Variants in RFX8 observed in about 807,000 individuals in gnomAD.
RFX8 encodes the protein DNA-binding protein RFX8.
RFX8 carries 46 observed loss-of-function variants against 54.6 expected under a neutral mutation model. The observed-to-expected ratio is 0.84, with a 90% CI of 0.67 to 1.08. RFX8 has a LOEUF of 1.08. RFX8 is among the 50% of genes least tolerant of loss of function. The probability of loss-of-function intolerance (pLI) is 0.00; values close to 1 mark genes in which losing one functional copy is unlikely to be tolerated. For missense variants in RFX8, 536 were observed against 562.3 expected (o/e 0.95, Z 0.47); for synonymous variants, 192 against 209.5 (o/e 0.92, Z 0.72).
chr2:101,456,064 T>A (rs957080175), intron 2 of RFX8, among the ~76,000 whole-genome samples: 17 of 152,352 alleles, frequency 1.1e-4, no homozygotes, highest in Admixed American at 1.1e-3. Flanking sequence ...ATTGATTTTG[T>A]ATCCTGAGAC....
In RFX8 at chr2:101,421,739, T is replaced by A; in HGVS notation, c.222A>T (p.Arg74=). ...FLADEYCNYC[R]DILRNVEDLL... is the part of the protein sequence containing the mutation. ...AGTTCCTCACATTTCGTAAAATGTCTCGACAATAGTTGCAGTATTCGTCAG... is the reference window on the plus strand; with the variant it reads ...AGTTCCTCACATTTCGTAAAATGTCACGACAATAGTTGCAGTATTCGTCAG... Residue 74 remains arginine, a synonymous_variant, in exon 4 of 12, where the codon CGA becomes CGT. Transcript: ENST00000428343. 1 of 1,550,278 alleles carries A rather than the reference T, an allele frequency of 6.5e-7. No individual in the cohort carries two copies.
At chr2:101,426,082 C>A (rs1377424004) in intron 2 of RFX8, among the ~76,000 whole-genome samples, 1 of 152,118 alleles carries the variant, frequency 6.6e-6, no homozygotes, top group Non-Finnish European at 1.5e-5. Context: ...CTGTTTAAGG[C>A]AATAAGTATC....
chr2:101,423,183 G>A (rs541486615), intron 2 of RFX8, among the ~76,000 whole-genome samples: 7 of 151,540 alleles, frequency 4.6e-5, no homozygotes, highest in South Asian at 4.2e-4. Flanking sequence ...GCTTGAGCCC[G>A]GGAAATGGAG....
chr2:101,464,906 G>C (rs778303784), intron 2 of RFX8, among the ~76,000 whole-genome samples: 18 of 152,178 alleles, frequency 1.2e-4, no homozygotes, highest in Non-Finnish European at 2.2e-4. Context: ...AACATGTCAA[G>C]CCAAAGTCAC....
chr2:101,424,477 G>A (rs1189604474), intron 2 of RFX8, among the ~76,000 whole-genome samples: 2 of 152,174 alleles, frequency 1.3e-5, no homozygotes, highest in African/African-American at 2.4e-5. Flanking sequence ...CAAGGATCTA[G>A]AACTAGAAAT....
At position 101,422,328 on chromosome 2, in the gene RFX8, T is replaced by C. The variant is rs1429176540; in HGVS notation, c.183+34A>G. Reference sequence around the variant, plus strand: ...TTACTGCCCTAAGCATCATACAGCGTGAAAGGCTAATCTCCCCATGAGTGC... The same window carrying C: ...TTACTGCCCTAAGCATCATACAGCGCGAAAGGCTAATCTCCCCATGAGTGC... On this transcript the variant is annotated intron_variant, in intron 3 of 11. Transcript: ENST00000428343. 7.5e-6 allele frequency: 8 copies of C among 1,061,196 alleles called. No homozygotes were observed. The African/African-American group carries it at 1.1e-4, about 15-fold the overall frequency. 65.7% of individuals were successfully genotyped at this position (1,061,196 alleles called of 1,614,324 possible). A position where few individuals can be genotyped will look rare whatever the true frequency, so the allele number is the denominator to read the frequency against.
intron 1 of RFX8, among the ~76,000 whole-genome samples, chr2:101,471,712 T>G (rs1020894256): frequency 2.6e-5 from 4 of 152,210 alleles, no homozygotes; most frequent in African/African-American, 9.7e-5. Flanking sequence ...TTCCTGTCCA[T>G]GAAACAGAAA....
chr2:101,469,076 A>ACG (rs1186301635), intron 1 of RFX8, among the ~76,000 whole-genome samples: 5 of 8,710 alleles, frequency 5.7e-4, no homozygotes, highest in African/African-American at 3.1e-3. Flanking sequence ...GTATATATAT[A>ACG]TAAGTGTATA....
chr2:101,459,669 CA>C (rs1431778264), intron 2 of RFX8, among the ~76,000 whole-genome samples: 1 of 152,174 alleles, frequency 6.6e-6, no homozygotes, highest in Admixed American at 6.5e-5. Flanking sequence ...AGGTGTCTCC[CA>C]GTCAGGCTAC....
intron 9 of RFX8, among the ~76,000 whole-genome samples, chr2:101,407,879 A>C (rs1685837737): frequency 6.6e-6 from 1 of 152,178 alleles, no homozygotes; most frequent in Non-Finnish European, 1.5e-5. Flanking sequence ...CAGGGCCCGA[A>C]CTGCCCTCTG....
At chr2:101,410,282 C>T (rs751789816) in intron 9 of RFX8, among the ~76,000 whole-genome samples, 3 of 151,564 alleles carry the variant, frequency 2.0e-5, no homozygotes, top group Admixed American at 6.6e-5. Context: ...CTGTACACCA[C>T]GCTCACCACA....
In RFX8 at chr2:101,466,884, A is replaced by G; in HGVS notation, c.-36T>C. 1 of 1,508,934 alleles carries G rather than the reference A, an allele frequency of 6.6e-7. No individual in the cohort carries two copies. Among genetic ancestry groups the G allele is most frequent in the Non-Finnish European group, 9.0e-7 (1 of 1,107,986 alleles). The allele number at this position is 1,508,934 out of a possible 1,614,324, so 93.5% of individuals were successfully genotyped here. On this transcript the variant is annotated 5_prime_UTR_variant, in exon 2 of 12. Transcript: ENST00000428343. ...GGGACGCTGCACTCTTCGCAAATGCAGAAGTTGTCGACCAACCTGGAGGAG... is the reference window on the plus strand; with the variant it reads ...GGGACGCTGCACTCTTCGCAAATGCGGAAGTTGTCGACCAACCTGGAGGAG...
At chr2:101,433,193 T>C (rs1279668914) in intron 2 of RFX8, among the ~76,000 whole-genome samples, 1 of 152,156 alleles carries the variant, frequency 6.6e-6, no homozygotes, top group Non-Finnish European at 1.5e-5. Flanking sequence ...GCCTCAATTT[T>C]GCACCCTGTA....
Position 101,423,199 on chromosome 2 carries a change from A to C in RFX8, c.73-727T>G, listed in dbSNP as rs1004808080. Among the ~76,000 whole-genome samples, 6 of 150,660 alleles carry C rather than the reference A, an allele frequency of 4.0e-5. No homozygotes were observed. In the South Asian group the frequency reaches 1.3e-3, roughly 32 times the overall value. ...CTTGAGCCCGGGAAATGGAGGTTGCAGTGAGCCAAGATCACGCCACTGCAC... is the reference window on the plus strand; with the variant it reads ...CTTGAGCCCGGGAAATGGAGGTTGCCGTGAGCCAAGATCACGCCACTGCAC... On this transcript the variant is annotated intron_variant, in intron 2 of 11. Coordinates refer to ENST00000428343, the MANE Select transcript of RFX8 (RefSeq NM_001145664.2).
chr2:101,431,031 G>C (rs1687452172), intron 2 of RFX8, among the ~76,000 whole-genome samples: 1 of 152,162 alleles, frequency 6.6e-6, no homozygotes, highest in African/African-American at 2.4e-5. Flanking sequence ...GTGTCAGCAT[G>C]CTACTCCTAA....
intron 1 of RFX8, 146 bp from the exon 2 acceptor site, chr2:101,467,046 A>G (rs2148995140): frequency 1.6e-6 from 1 of 618,666 alleles, no homozygotes; most frequent in East Asian, 2.7e-5. Flanking sequence ...GCGAAGGCTC[A>G]CAACTGGCAT....
chr2:101,450,380 C>A (rs1459246316), intron 2 of RFX8, among the ~76,000 whole-genome samples: 2 of 152,122 alleles, frequency 1.3e-5, no homozygotes, highest in African/African-American at 2.4e-5. Flanking sequence ...CAACACCATG[C>A]CTGGCTAACT....
intron 2 of RFX8, among the ~76,000 whole-genome samples, chr2:101,449,098 G>T (rs1179817112): frequency 6.6e-6 from 1 of 152,160 alleles, no homozygotes; most frequent in African/African-American, 2.4e-5. Context: ...AAGGTTGGAT[G>T]GTGGGAGCAA....
chr2:101,450,258 TCACC>T (rs1476945308), intron 2 of RFX8, among the ~76,000 whole-genome samples: 1 of 152,166 alleles, frequency 6.6e-6, no homozygotes, highest in African/African-American at 2.4e-5. Context: ...TCTCACTCTG[TCACC>T]CAGGCTGGAA....
Sources: gnomAD v4.1 joint callset for allele counts (sites outside exome capture counted in the v4.1 genomes callset) on GRCh38, gnomAD v4.1.1 for gene constraint, MANE v1.5 for transcripts, NCBI Gene and HGNC (gene_info 2026-07-23, HGNC 2026-07-21) for gene names.